Variants in LRFN5 observed in about 807,000 individuals in gnomAD.
LRFN5 encodes leucine-rich repeat and fibronectin type-III domain-containing protein 5.
Under a neutral mutation model 45.6 loss-of-function variants are expected in LRFN5, and 24 were observed. The ratio of observed to expected loss-of-function variants is 0.53; its 90% CI spans 0.38 to 0.74. The LOEUF is 0.74. Ranked by LOEUF, LRFN5 falls within the 30% of genes least tolerant of loss-of-function variation. The pLI is 0.00. For missense variants in LRFN5, 776 were observed against 861.5 expected (o/e 0.90, Z 1.24); for synonymous variants, 340 against 313.8 (o/e 1.08, Z -0.88).
intron 2 of LRFN5, among the ~76,000 whole-genome samples, chr14:41,866,017 T>G (rs1009458096): frequency 6.6e-6 from 1 of 152,276 alleles, no homozygotes; most frequent in Admixed American, 6.5e-5. Context: ...GTCATTTCAT[T>G]TTCTTTATGG....
chr14:41,736,325 G>A (rs1464953960), intron 1 of LRFN5, among the ~76,000 whole-genome samples: 1 of 152,150 alleles, frequency 6.6e-6, no homozygotes, highest in African/African-American at 2.4e-5. Context: ...GTATCTCATT[G>A]TGGTTTTGAT....
chr14:41,639,974 T>C (rs1014550194), intron 1 of LRFN5, among the ~76,000 whole-genome samples: 1 of 145,604 alleles, frequency 6.9e-6, no homozygotes, highest in African/African-American at 2.6e-5. Flanking sequence ...TTTTTTTTTT[T>C]TTTTATTTAC....
At chr14:41,712,107 G>A (rs1189272498) in intron 1 of LRFN5, among the ~76,000 whole-genome samples, 3 of 152,112 alleles carry the variant, frequency 2.0e-5, no homozygotes, top group Admixed American at 1.3e-4. Flanking sequence ...GGTAATATCG[G>A]GGAATATGCA....
chr14:41,803,760 T>C (rs1364845481), intron 2 of LRFN5, among the ~76,000 whole-genome samples: 1 of 152,186 alleles, frequency 6.6e-6, no homozygotes, highest in Non-Finnish European at 1.5e-5. Flanking sequence ...GGATTCTTCT[T>C]GCCTGTTGCC....
At chr14:41,709,200 T>C (rs892103296) in intron 1 of LRFN5, among the ~76,000 whole-genome samples, 2 of 152,002 alleles carry the variant, frequency 1.3e-5, no homozygotes, top group African/African-American at 4.8e-5. Context: ...ATATATTTTA[T>C]TTTATTTTAT....
At chr14:41,801,991 G>A (rs1173160815) in intron 2 of LRFN5, among the ~76,000 whole-genome samples, 6 of 152,094 alleles carry the variant, frequency 3.9e-5, no homozygotes, top group Non-Finnish European at 5.9e-5. Flanking sequence ...TGGAAATTGA[G>A]GATGTCTTAT....
chr14:41,802,066 G>A lies in LRFN5; in HGVS notation c.-21+35037G>A, dbSNP rs540855211. Among the ~76,000 whole-genome samples, 13 of 152,256 alleles carry A rather than the reference G, an allele frequency of 8.5e-5. No homozygotes were observed. In the South Asian group the frequency reaches 1.7e-3, roughly 19 times the overall value. ...AAATTTTTTGCAACTGATTTAATGCGTCTTTCTGTCCCTTTTGAGTCATCT... is the reference window on the plus strand; with the variant it reads ...AAATTTTTTGCAACTGATTTAATGCATCTTTCTGTCCCTTTTGAGTCATCT... On this transcript the variant is annotated intron_variant, in intron 2 of 5. Transcript: ENST00000298119.
chr14:41,632,171 A>G (rs927511690), intron 1 of LRFN5, among the ~76,000 whole-genome samples: 1 of 152,208 alleles, frequency 6.6e-6, no homozygotes, highest in African/African-American at 2.4e-5. Context: ...GGAAAAAAAA[A>G]ACGTAGCATT....
chr14:41,814,536 G>C (rs989371595), intron 2 of LRFN5, among the ~76,000 whole-genome samples: 3 of 152,102 alleles, frequency 2.0e-5, no homozygotes, highest in Admixed American at 6.6e-5. Flanking sequence ...ATCATATTCT[G>C]TAGAAAGAAG....
At chr14:41,773,307 T>C (rs1279994797) in intron 2 of LRFN5, among the ~76,000 whole-genome samples, 1 of 152,192 alleles carries the variant, frequency 6.6e-6, no homozygotes, top group Non-Finnish European at 1.5e-5. Flanking sequence ...GTAGTCACTT[T>C]CTGAAGGAAG....
At chr14:41,631,248 A>G (rs1213729278) in intron 1 of LRFN5, among the ~76,000 whole-genome samples, 1 of 151,674 alleles carries the variant, frequency 6.6e-6, no homozygotes, top group African/African-American at 2.4e-5. Flanking sequence ...CACAGACTCT[A>G]TTTTATTTTT....
chr14:41,802,262 G>A (rs936928116), intron 2 of LRFN5, among the ~76,000 whole-genome samples: 18 of 152,102 alleles, frequency 1.2e-4, no homozygotes, highest in African/African-American at 3.9e-4. Context: ...AGACAAATGG[G>A]GATTTATAGC....
chr14:41,636,935 G>A (rs914421904), intron 1 of LRFN5, among the ~76,000 whole-genome samples: 3 of 152,136 alleles, frequency 2.0e-5, no homozygotes, highest in Admixed American at 6.6e-5. Context: ...ATACCTCAGC[G>A]GCAGCATGAA....
intron 2 of LRFN5, among the ~76,000 whole-genome samples, chr14:41,830,705 T>G (rs1888447783): frequency 6.6e-6 from 1 of 152,168 alleles, no homozygotes; most frequent in Non-Finnish European, 1.5e-5. Flanking sequence ...AAGCTGGGGA[T>G]GCTGACTTGC....
At chr14:41,781,114 AC>A (rs1477268528) in intron 2 of LRFN5, among the ~76,000 whole-genome samples, 1 of 152,144 alleles carries the variant, frequency 6.6e-6, no homozygotes, top group African/African-American at 2.4e-5. Context: ...TTTTACCTTT[AC>A]TTTTTCTTTC....
intron 1 of LRFN5, among the ~76,000 whole-genome samples, chr14:41,670,475 A>G (rs1881152800): frequency 1.3e-5 from 2 of 151,214 alleles, no homozygotes; most frequent in Admixed American, 6.6e-5. Flanking sequence ...AAATCAATAA[A>G]TTGAATTATA....
chr14:41,884,728 T>C (rs1890504035), intron 2 of LRFN5, among the ~76,000 whole-genome samples: 1 of 152,112 alleles, frequency 6.6e-6, no homozygotes, highest in Non-Finnish European at 1.5e-5. Context: ...CAATCCCCTG[T>C]ACAGCCCATG....
chr14:41,832,645 A>T (rs1327768889), intron 2 of LRFN5, among the ~76,000 whole-genome samples: 2 of 152,074 alleles, frequency 1.3e-5, no homozygotes, highest in Admixed American at 1.3e-4. Context: ...CATTAACCTT[A>T]TATTCGCTAT....
chr14:41,648,475 A>T (rs1879926480), intron 1 of LRFN5, among the ~76,000 whole-genome samples: 1 of 152,178 alleles, frequency 6.6e-6, no homozygotes, highest in Non-Finnish European at 1.5e-5. Context: ...TAAAAAATAA[A>T]AATAAATAAA....
Sources: allele counts gnomAD v4.1 joint callset (sites outside exome capture counted in the v4.1 genomes callset), GRCh38; gene constraint gnomAD v4.1.1; transcripts MANE v1.5; gene names NCBI Gene and HGNC (gene_info 2026-07-23, HGNC 2026-07-21).